The following SNX2 variants were observed in gnomAD, a reference collection of about 807,000 sequenced individuals.
The protein encoded by SNX2 is sorting nexin 2.
A neutral mutation model predicts 69.9 loss-of-function variants in SNX2; 25 were observed. That is an observed-to-expected ratio of 0.36 (90% confidence interval 0.26 to 0.50). The LOEUF (loss-of-function observed/expected upper bound fraction) is 0.50. SNX2 is among the 20% of genes least tolerant of loss of function. SNX2 has a pLI of 0.97. For synonymous variants in SNX2, 229 were observed against 200.4 expected (o/e 1.14, Z -1.20); for missense variants, 551 against 613.3 (o/e 0.90, Z 1.07).
intron 11 of SNX2, among the ~76,000 whole-genome samples, chr5:122,820,206 CGT>C (rs1455819230): frequency 6.6e-6 from 1 of 152,060 alleles, no homozygotes; most frequent in African/African-American, 2.4e-5. Flanking sequence ...CCAACAAACC[CGT>C]GGGTCAAAAA....
chr5:122,803,149 G>A (rs1044260000), intron 5 of SNX2, among the ~76,000 whole-genome samples: 3 of 152,278 alleles, frequency 2.0e-5, no homozygotes, highest in African/African-American at 7.2e-5. Context: ...TTTAAGTGGA[G>A]GGGTATTTGG....
intron 6 of SNX2, among the ~76,000 whole-genome samples, chr5:122,806,113 C>CGTGT (rs767764868): frequency 1.7e-5 from 2 of 117,332 alleles, no homozygotes; most frequent in Non-Finnish European, 3.7e-5. Flanking sequence ...TGTGTGTGTG[C>CGTGT]GTGTGTGTAT....
In SNX2 at chr5:122,806,139, C is replaced by T. The variant is rs572632411; in HGVS notation, c.644-2138C>T. Among the ~76,000 whole-genome samples, 32 of 61,786 alleles carry T rather than the reference C, an allele frequency of 5.2e-4. No homozygotes were observed. In the East Asian group the frequency reaches 0.01, roughly 20 times the overall value. The allele number at this position is 61,786 out of a possible 152,430, so 40.5% of individuals were successfully genotyped here. On this transcript the variant is annotated intron_variant, in intron 6 of 14. Transcript: ENST00000379516. ...GTGTGTGTATATATATACACACGCG[C>T]GCGCACACACACACACACACACACA...
At chr5:122,779,411 G>A (rs765787465) in intron 1 of SNX2, among the ~76,000 whole-genome samples, 22 of 152,218 alleles carry the variant, frequency 1.4e-4, no homozygotes, top group Admixed American at 4.6e-4. Context: ...TGAATGGATC[G>A]TATAATACAT....
intron 7 of SNX2, among the ~76,000 whole-genome samples, chr5:122,812,151 T>G (rs892721915): frequency 6.6e-6 from 1 of 152,218 alleles, no homozygotes; most frequent in African/African-American, 2.4e-5. Context: ...TACAGAACTT[T>G]ACAGTAGTCA....
intron 1 of SNX2, among the ~76,000 whole-genome samples, chr5:122,778,828 A>G (rs1322008397): frequency 6.6e-6 from 1 of 152,218 alleles, no homozygotes; most frequent in African/African-American, 2.4e-5. Flanking sequence ...CAAAATTAAT[A>G]ACAGCCACAT....
chr5:122,775,899 C>A, intron 1 of SNX2: 3 of 452,330 alleles, frequency 6.6e-6, no homozygotes, highest in Non-Finnish European at 8.7e-6. Flanking sequence ...TCGAAGTTAC[C>A]AAGGGAGAAA....
intron 6 of SNX2, among the ~76,000 whole-genome samples, chr5:122,806,142 G>GCACACGCACACACACACACA (rs1554063176): frequency 1.5e-4 from 19 of 130,584 alleles, no homozygotes; most frequent in Non-Finnish European, 1.6e-4. Flanking sequence ...ACACGCGCGC[G>GCACACGCACACACACACACA]CACACACACA....
At chr5:122,823,425 A>G (rs1754069286) in intron 11 of SNX2, among the ~76,000 whole-genome samples, 1 of 152,208 alleles carries the variant, frequency 6.6e-6, no homozygotes, top group African/African-American at 2.4e-5. Flanking sequence ...TACCACAATA[A>G]ACATGTCCTG....
rs866283555 is a variant in SNX2 at position 122,829,845 on chromosome 5, C to G, written c.*197C>G. 1 of 588,266 alleles carries G rather than the reference C, an allele frequency of 1.7e-6. No homozygotes were observed. Among genetic ancestry groups the G allele is most frequent in the Non-Finnish European group, 3.1e-6 (1 of 325,902 alleles). 36.4% of individuals were successfully genotyped at this position (588,266 alleles called of 1,614,324 possible). A position where few individuals can be genotyped will look rare whatever the true frequency, so the allele number is the denominator to read the frequency against. On this transcript the variant is annotated 3_prime_UTR_variant, in exon 15 of 15. Coordinates refer to ENST00000379516, the MANE Select transcript of SNX2 (RefSeq NM_003100.4). ...TTTATTACAAGCTGCATGTCCTGAC[C>G]CTCTTTGAATTAAGTGGACTGTGGC...
chr5:122,821,235 C>G (rs1460469353), intron 11 of SNX2, among the ~76,000 whole-genome samples: 1 of 152,200 alleles, frequency 6.6e-6, no homozygotes, highest in African/African-American at 2.4e-5. Context: ...CCTGTAGTCT[C>G]TGACCTCAGT....
At chr5:122,779,583 TG>T (rs1453084435) in intron 1 of SNX2, among the ~76,000 whole-genome samples, 1 of 152,234 alleles carries the variant, frequency 6.6e-6, no homozygotes, top group East Asian at 1.9e-4. Flanking sequence ...GTTATGAATA[TG>T]ACCATGAGTA....
At chr5:122,815,790 G>A in intron 7 of SNX2, 106 bp from the exon 8 acceptor site, 2 of 540,234 alleles carry the variant, frequency 3.7e-6, no homozygotes, top group South Asian at 3.1e-5. Context: ...CTAATACGAG[G>A]TAGTGAGGAC....
intron 2 of SNX2, among the ~76,000 whole-genome samples, chr5:122,799,171 C>T (rs1315445427): frequency 6.6e-6 from 1 of 152,104 alleles, no homozygotes; most frequent in South Asian, 2.1e-4. Flanking sequence ...TGTTTTGTGT[C>T]ATATTTGTGT....
At chr5:122,821,628 T>C (rs1156560854) in intron 11 of SNX2, among the ~76,000 whole-genome samples, 2 of 152,116 alleles carry the variant, frequency 1.3e-5, no homozygotes, top group Non-Finnish European at 2.9e-5. Flanking sequence ...CTAATTTTTT[T>C]GTATTTTTAG....
intron 2 of SNX2, 120 bp from the exon 3 acceptor site, chr5:122,799,572 A>G (rs1460711199): frequency 5.2e-6 from 3 of 578,610 alleles, no homozygotes; most frequent in Admixed American, 3.3e-5. Context: ...TTTTTAAATG[A>G]CATTATTTTT....
rs751530683 is a variant in SNX2, at chr5:122,802,143, TA to T, written c.501+26del. 2.5e-6 allele frequency: 4 copies of T among 1,607,040 alleles called. No homozygotes were observed. Among genetic ancestry groups the T allele is most frequent in the Middle Eastern group, 1.7e-4 (1 of 6,036 alleles). The stretch of plus-strand genomic sequence containing the variant: ...AACAAAGGTGAGCTTTTTGTGCTTT[TA>T]AAAAAACTATCGAGCCCTCATTATG... On this transcript the variant is annotated intron_variant, in intron 5 of 14. Transcript: ENST00000379516.
At position 122,789,442 on chromosome 5, in the gene SNX2, TACACACACACACACAC is replaced by T. The variant is rs34588472; in HGVS notation, c.109-5818_109-5803del. On this transcript the variant is annotated intron_variant, in intron 1 of 14. Transcript: ENST00000379516. ...CCACCTTCCCCACCACACACACACA[TACACACACACACACAC>T]ACACAGACACACACGGACACACACA... is the stretch of plus-strand genomic sequence containing the variant. 1.0e-3 allele frequency among the ~76,000 whole-genome samples: 143 copies of T among 141,660 alleles called. 1 individual carries two copies. The highest frequency in any genetic ancestry group is 3.6e-3 in the African/African-American group (137 of 37,922). The allele number at this position is 141,660 out of a possible 152,430, so 92.9% of individuals were successfully genotyped here. A position where few individuals can be genotyped will look rare whatever the true frequency, so the allele number is the denominator to read the frequency against.
rs926607092 is a variant in SNX2, at chr5:122,829,773, TATAC to T, written c.*127_*130del. The T allele has an allele frequency of 2.7e-4, 165 of 608,338 alleles. No homozygotes were observed. The highest frequency in any genetic ancestry group is 5.3e-4 in the Middle Eastern group (2 of 3,770). The allele number at this position is 608,338 out of a possible 1,614,324, so 37.7% of individuals were successfully genotyped here. A position where few individuals can be genotyped will look rare whatever the true frequency, so the allele number is the denominator to read the frequency against. On this transcript the variant is annotated 3_prime_UTR_variant, in exon 15 of 15. Transcript: ENST00000379516. ...ATTTTATGAATTACATGTGGTTTTA[TATAC>T]ACACACACACACACACACACACACA...
Sources: gnomAD v4.1 joint callset for allele counts (sites outside exome capture counted in the v4.1 genomes callset) on GRCh38, gnomAD v4.1.1 for gene constraint, MANE v1.5 for transcripts, NCBI Gene and HGNC (gene_info 2026-07-23, HGNC 2026-07-21) for gene names.